OIT3: variants seen among roughly 807,000 people sequenced by gnomAD.
OIT3 encodes the protein oncoprotein-induced transcript 3 protein.
In OIT3, 41 loss-of-function variants were observed where a neutral mutation model predicts 52.2. The observed-to-expected ratio is 0.79, with a 90% CI of 0.61 to 1.02. The LOEUF (loss-of-function observed/expected upper bound fraction) is 1.02, where lower values mean the gene tolerates loss of function less well. Ranked by LOEUF, OIT3 falls within the 50% of genes least tolerant of loss-of-function variation. The probability of loss-of-function intolerance (pLI) is 0.00; values close to 1 mark genes in which losing one functional copy is unlikely to be tolerated. For synonymous variants in OIT3, 244 were observed against 276.9 expected (o/e 0.88, Z 1.18); for missense variants, 634 against 715.5 (o/e 0.89, Z 1.30).
intron 1 of OIT3, among the ~76,000 whole-genome samples, chr10:72,896,406 T>A (rs1412199067): frequency 6.6e-6 from 1 of 152,230 alleles, no homozygotes; most frequent in Non-Finnish European, 1.5e-5. Flanking sequence ...AGAAAGAATC[T>A]GAGGATATTT....
rs139078371 is a variant in OIT3 at position 72,924,616 on chromosome 10, G to T, written c.1339G>T (p.Val447Phe). 131 of 1,612,802 alleles carry T rather than the reference G, an allele frequency of 8.1e-5. No individual in the cohort carries two copies. Among genetic ancestry groups the T allele is most frequent in the Non-Finnish European group, 9.9e-5 (117 of 1,179,248 alleles). The change falls in exon 7 of 9, where the codon GTC (valine) becomes TTC (phenylalanine). Residue 447 changes from valine (V) to phenylalanine (F), a missense_variant. Val to Phe is a conservative substitution (Grantham distance 50). Coordinates refer to ENST00000334011, the MANE Select transcript of OIT3 (RefSeq NM_152635.3). Reference sequence around the variant, plus strand: ...CACCCCCACCTCCAAGATCGACGAGGTCCTGAAATACTACCTCATCCGGGA... The same window carrying T: ...CACCCCCACCTCCAAGATCGACGAGTTCCTGAAATACTACCTCATCCGGGA... ...FATPTSKIDE[V>F]LKYYLIRDGC...
At chr10:72,899,113 T>A in intron 2 of OIT3, 75 bp downstream of exon 2, 1 of 1,376,120 alleles carries the variant, frequency 7.3e-7, no homozygotes, top group Non-Finnish European at 1.0e-6. Flanking sequence ...AATTATAGGA[T>A]ATGCAGTTAC....
intron 5 of OIT3, among the ~76,000 whole-genome samples, chr10:72,913,021 A>G (rs1846042872): frequency 6.6e-6 from 1 of 152,208 alleles, no homozygotes; most frequent in Non-Finnish European, 1.5e-5. Flanking sequence ...TAGGTGTTTC[A>G]GTTCACAGAG....
chr10:72,912,052 G>A (rs1375269536), intron 5 of OIT3, among the ~76,000 whole-genome samples: 2 of 152,044 alleles, frequency 1.3e-5, no homozygotes, highest in Admixed American at 1.3e-4. Context: ...TTCCTTTGCT[G>A]TTTACCTTTG....
intron 8 of OIT3, among the ~76,000 whole-genome samples, chr10:72,931,835 A>T (rs1846219178): frequency 6.6e-6 from 1 of 152,224 alleles, no homozygotes; most frequent in Non-Finnish European, 1.5e-5. Context: ...GCTTGTAAGT[A>T]TATGCATGTC....
chr10:72,897,839 G>T, intron 1 of OIT3, among the ~76,000 whole-genome samples: 1 of 152,110 alleles, frequency 6.6e-6, no homozygotes, highest in East Asian at 1.9e-4. Flanking sequence ...TCTTTCACAC[G>T]CCTGTTCCAG....
intron 6 of OIT3, among the ~76,000 whole-genome samples, chr10:72,922,302 C>G (rs1846128526): frequency 6.6e-6 from 1 of 151,816 alleles, no homozygotes; most frequent in Non-Finnish European, 1.5e-5. Flanking sequence ...TCTCCCAGCT[C>G]TTTCAGGTAC....
intron 3 of OIT3, among the ~76,000 whole-genome samples, chr10:72,902,147 G>A (rs1361353815): frequency 3.3e-5 from 5 of 152,102 alleles, no homozygotes; most frequent in Admixed American, 6.6e-5. Context: ...TGCCATAGGC[G>A]TTGTTAGGGA....
chr10:72,896,811 C>T (rs966470543), intron 1 of OIT3, among the ~76,000 whole-genome samples: 1 of 152,126 alleles, frequency 6.6e-6, no homozygotes, highest in Non-Finnish European at 1.5e-5. Context: ...ATATCAGTTA[C>T]GTAAGTCAAC....
At chr10:72,918,379 C>T in intron 6 of OIT3, 1 of 772,218 alleles carries the variant, frequency 1.3e-6, no homozygotes, top group Admixed American at 1.7e-5. Context: ...TCGTCCTTTG[C>T]ACCAGCCCTT....
rs191840200 is a variant in OIT3 at position 72,910,676 on chromosome 10, T to C, written c.668-1041T>C. ...GAACTGAGAGAGTTATAGCTATAACTGGAAATCAGCTTTTCTCTTTACCTG... is the reference window on the plus strand; with the variant it reads ...GAACTGAGAGAGTTATAGCTATAACCGGAAATCAGCTTTTCTCTTTACCTG... On this transcript the variant is annotated intron_variant, in intron 4 of 8. Transcript: ENST00000334011. Among the ~76,000 whole-genome samples, 69 of 152,362 alleles carry C rather than the reference T, an allele frequency of 4.5e-4. No homozygotes were observed. In the East Asian group the frequency reaches 9.1e-3, roughly 20 times the overall value.
At position 72,917,959 on chromosome 10, in the gene OIT3, C is replaced by A. The variant is rs1406882287; in HGVS notation, c.951+4491C>A. 3 of 868,294 alleles carry A rather than the reference C, an allele frequency of 3.5e-6. No homozygotes were observed. The African/African-American group carries it at 5.0e-5, about 14-fold the overall frequency. 53.8% of individuals were successfully genotyped at this position (868,294 alleles called of 1,614,324 possible). On this transcript the variant is annotated intron_variant, in intron 6 of 8. Coordinates refer to ENST00000334011, the MANE Select transcript of OIT3 (RefSeq NM_152635.3). The stretch of plus-strand genomic sequence containing the variant: ...ATAGATTTCTTCACTGGTGCTTTTT[C>A]TTCAGCTTCCTCATTATCTTCATCA...
chr10:72,930,979 G>A (rs1846212093), intron 8 of OIT3, among the ~76,000 whole-genome samples: 1 of 152,082 alleles, frequency 6.6e-6, no homozygotes, highest in South Asian at 2.1e-4. Flanking sequence ...GATATGGACA[G>A]GAAATTCACA....
chr10:72,929,559 T>G (rs2132951298), intron 7 of OIT3, among the ~76,000 whole-genome samples: 1 of 151,352 alleles, frequency 6.6e-6, no homozygotes, highest in African/African-American at 2.4e-5. Context: ...TACAGAGGCA[T>G]ACCACCACAC....
chr10:72,929,008 A>G (rs1042223758), intron 7 of OIT3, among the ~76,000 whole-genome samples: 2 of 152,114 alleles, frequency 1.3e-5, no homozygotes, highest in Admixed American at 6.6e-5. Flanking sequence ...CTTGAGTTCA[A>G]GACCAGCCTG....
Position 72,932,899 on chromosome 10 carries a change from C to T in OIT3, c.*375C>T, listed in dbSNP as rs1195305641. The T allele has an allele frequency of 5.7e-6, 1 of 174,998 alleles. No individual in the cohort carries two copies. Among genetic ancestry groups the T allele is most frequent in the Non-Finnish European group, 1.2e-5 (1 of 83,790 alleles). The allele number at this position is 174,998 out of a possible 1,614,324, so 10.8% of individuals were successfully genotyped here. On this transcript the variant is annotated 3_prime_UTR_variant, in exon 9 of 9. Coordinates refer to ENST00000334011, the MANE Select transcript of OIT3 (RefSeq NM_152635.3). ...AAACCCTAGAAAAATTAAACAGTTA[C>T]TGAAATTATGACTTAAATACCCAAT... is the stretch of plus-strand genomic sequence containing the variant.
At chr10:72,925,601 T>C (rs946515295) in intron 7 of OIT3, among the ~76,000 whole-genome samples, 1 of 152,174 alleles carries the variant, frequency 6.6e-6, no homozygotes, top group Non-Finnish European at 1.5e-5. Flanking sequence ...AGTTTGGCTT[T>C]GTGCTTAGTT....
rs188377676 is a variant in OIT3 at position 72,932,776 on chromosome 10, T to C, written c.*252T>C. 3.2e-3 allele frequency: 1,274 copies of C among 392,224 alleles called. 1 individual carries two copies. The highest frequency in any genetic ancestry group is 4.8e-3 in the Non-Finnish European group (1,051 of 220,778). The allele number at this position is 392,224 out of a possible 1,614,324, so 24.3% of individuals were successfully genotyped here. On this transcript the variant is annotated 3_prime_UTR_variant, in exon 9 of 9. Coordinates refer to ENST00000334011, the MANE Select transcript of OIT3 (RefSeq NM_152635.3). Reference sequence around the variant, plus strand: ...CTAAACTGTCCACCCAGAAAGACACTCACCCCATTTCCCTCATTTCTTTCC... The same window carrying C: ...CTAAACTGTCCACCCAGAAAGACACCCACCCCATTTCCCTCATTTCTTTCC...
At chr10:72,894,179 A>G (rs538203134) in intron 1 of OIT3, among the ~76,000 whole-genome samples, 5 of 151,068 alleles carry the variant, frequency 3.3e-5, no homozygotes, top group African/African-American at 1.2e-4. Context: ...CAACTTGAAG[A>G]GCCAAAAAAA....
Sources: allele counts gnomAD v4.1 joint callset (sites outside exome capture counted in the v4.1 genomes callset), GRCh38; gene constraint gnomAD v4.1.1; transcripts MANE v1.5; gene names NCBI Gene and HGNC (gene_info 2026-07-23, HGNC 2026-07-21).